The following ARSL variants were observed in gnomAD, a reference collection of about 807,000 sequenced individuals.
ARSL encodes arylsulfatase E (chondrodysplasia punctata 1).
ARSL carries 4 observed loss-of-function variants against 31.1 expected under a neutral mutation model. The observed-to-expected ratio is 0.13, with a 90% confidence interval of 0.06 to 0.29. The LOEUF (loss-of-function observed/expected upper bound fraction) is 0.29, where lower values mean the gene tolerates loss of function less well. Among genes scored for constraint, ARSL ranks in the 10% least tolerant of loss-of-function variants. The probability of loss-of-function intolerance (pLI) is 1.00; values close to 1 mark genes in which losing one functional copy is unlikely to be tolerated. For synonymous variants in ARSL, 198 were observed against 209.9 expected, an observed-to-expected ratio of 0.94 and a Z score of 0.49; for missense variants, 312 against 497.8, an observed-to-expected ratio of 0.63 and a Z score of 3.55.
intron 1 of ARSL, among the ~76,000 whole-genome samples, chrX:2,961,594 C>T (rs1333846652): frequency 9.0e-6 from 1 of 111,680 alleles, no homozygotes; most frequent in Non-Finnish European, 1.9e-5. Context: ...TTGAAATGGC[C>T]CTGCAAAGCT....
At chrX:2,959,875 G>T in intron 2 of ARSL, 1 of 351,152 alleles carries the variant, frequency 2.8e-6, no homozygotes, top group Non-Finnish European at 4.7e-6. Context: ...GAGCAACATG[G>T]TGAGACCCTG....
chrX:2,949,914 A>T (rs2089439471), intron 5 of ARSL, among the ~76,000 whole-genome samples, 187 bp from the exon 6 acceptor site: 1 of 112,164 alleles, frequency 8.9e-6, no homozygotes, highest in African/African-American at 3.2e-5. Context: ...GGGAATGAGG[A>T]CCCCATGTGT....
At chrX:2,941,501 C>T (rs1294586031) in intron 8 of ARSL, among the ~76,000 whole-genome samples, 10 of 111,508 alleles carry the variant, frequency 9.0e-5, no homozygotes, top group African/African-American at 2.9e-4. Flanking sequence ...GTGATCCACC[C>T]GCCTTGGCCT....
In ARSL at chrX:2,955,635, G is replaced by T. The variant is rs1427530388; in HGVS notation, c.186-98C>A. 9.2e-6 allele frequency: 9 copies of T among 981,915 alleles called. No homozygotes were observed. In the East Asian group the frequency reaches 9.7e-5, roughly 11 times the overall value. The allele number at this position is 981,915 out of a possible 1,213,427, so 80.9% of individuals were successfully genotyped here. A position where few individuals can be genotyped will look rare whatever the true frequency, so the allele number is the denominator to read the frequency against. ...CTTCATAGAAGGTCTGCTGGTCATC[G>T]CTGAGTGCTTCAAGATGTTCTCAGG... On this transcript the variant is annotated intron_variant, in intron 3 of 10. Transcript: ENST00000381134.
rs80338711 is a variant in ARSL at position 2,953,163 on chromosome X, C to G, written c.410G>C (p.Gly137Ala). 1.6e-4 allele frequency: 188 copies of G among 1,208,664 alleles called. No homozygotes were observed. The highest frequency in any genetic ancestry group is 2.3e-4 in the Middle Eastern group (1 of 4,369). ...TTFAKILKEK[G>A]YATGLIGKWH... is the part of the protein sequence containing the mutation. ...CATACCAATGAGTCCAGTGGCATAG[C>G]CTTTCTCTTTCAGTATTTTTGCAAA... is the stretch of plus-strand genomic sequence containing the variant. The change falls in exon 5 of 11, where the codon GGC becomes GCC. Residue 137 changes from glycine (G) to alanine (A), a missense_variant. Physicochemically the swap from Gly to Ala is moderately conservative, Grantham distance 60 (BLOSUM62 0). Coordinates refer to ENST00000381134, the MANE Select transcript of ARSL (RefSeq NM_000047.3).
upstream of ARSL, chrX:2,964,593 A>G: frequency 2.9e-6 from 1 of 347,878 alleles, no homozygotes; most frequent in Non-Finnish European, 3.7e-6. Flanking sequence ...CTGGGATTAC[A>G]GATGTGAGTC....
intron 10 of ARSL, among the ~76,000 whole-genome samples, chrX:2,936,327 T>A (rs749189400): frequency 9.6e-4 from 105 of 109,533 alleles, no homozygotes; most frequent in African/African-American, 3.4e-3. Flanking sequence ...TACAAAAAAA[T>A]AAGAAAAAAA....
At chrX:2,943,858 A>G (rs1355162717) in intron 7 of ARSL, among the ~76,000 whole-genome samples, 1 of 108,016 alleles carries the variant, frequency 9.3e-6, no homozygotes, top group African/African-American at 3.4e-5. Flanking sequence ...TCTTGCAGCC[A>G]CACACAAGGG....
chrX:2,941,108 G>A (rs1048030169), intron 8 of ARSL, among the ~76,000 whole-genome samples: 2 of 110,456 alleles, frequency 1.8e-5, no homozygotes, highest in African/African-American at 6.6e-5. Context: ...AGCGGGAGTC[G>A]AACATGCCTC....
upstream of ARSL, among the ~76,000 whole-genome samples, chrX:2,965,880 G>A (rs1025406443): frequency 1.8e-5 from 2 of 112,247 alleles, no homozygotes; most frequent in South Asian, 7.4e-4. Context: ...CAGCCTGGGC[G>A]GCAGAGTGAG....
chrX:2,944,237 C>CCT (rs1569102504), intron 7 of ARSL, among the ~76,000 whole-genome samples: 6 of 108,963 alleles, frequency 5.5e-5, no homozygotes, highest in African/African-American at 1.3e-4. Flanking sequence ...GGGCGGATCA[C>CCT]AAGGTCAGCA....
intron 6 of ARSL, among the ~76,000 whole-genome samples, chrX:2,947,131 C>T (rs1431072841): frequency 9.0e-6 from 1 of 110,511 alleles, no homozygotes; most frequent in Non-Finnish European, 1.9e-5. Flanking sequence ...TTGCGGTGAG[C>T]TGAGATTGCG....
intron 1 of ARSL, among the ~76,000 whole-genome samples, chrX:2,963,466 C>T (rs2089665710): frequency 9.3e-6 from 1 of 108,090 alleles, no homozygotes; most frequent in Non-Finnish European, 1.9e-5. Flanking sequence ...TCCTGCCCAG[C>T]AGTGGTTTAT....
chrX:2,935,412 C>A (rs548506389), intron 10 of ARSL, among the ~76,000 whole-genome samples: 1 of 112,181 alleles, frequency 8.9e-6, no homozygotes, highest in Admixed American at 9.5e-5. Flanking sequence ...CAAAATACTA[C>A]GCTCAGAGAA....
chrX:2,963,690 G>T (rs1166536498), intron 1 of ARSL, among the ~76,000 whole-genome samples: 2 of 106,317 alleles, frequency 1.9e-5, no homozygotes, highest in African/African-American at 6.9e-5. Context: ...ACAGGCACAT[G>T]CCACTATGCC....
intron 5 of ARSL, among the ~76,000 whole-genome samples, chrX:2,951,913 AT>A (rs1205816261): frequency 9.3e-6 from 1 of 107,950 alleles, no homozygotes; most frequent in Non-Finnish European, 1.9e-5. Flanking sequence ...AACAAAGAAC[AT>A]TTTATAATTT....
chrX:2,952,007 G>A (rs1323928106), intron 5 of ARSL, among the ~76,000 whole-genome samples: 2 of 109,859 alleles, frequency 1.8e-5, no homozygotes, highest in Non-Finnish European at 3.8e-5. Context: ...AAATGGAACT[G>A]TTGATAACAA....
chrX:2,939,456 C>A (rs768335996), intron 8 of ARSL, among the ~76,000 whole-genome samples: 6 of 112,031 alleles, frequency 5.4e-5, no homozygotes, highest in Non-Finnish European at 9.4e-5. Context: ...GCACAGAGAA[C>A]CAGATTGGGT....
At chrX:2,951,614 C>CAA (rs1164575386) in intron 5 of ARSL, among the ~76,000 whole-genome samples, 7 of 28,865 alleles carry the variant, frequency 2.4e-4, no homozygotes, top group Non-Finnish European at 5.6e-4. Context: ...CCCATCTCTA[C>CAA]AAAAAAAAAA....
Sources: gnomAD v4.1 joint callset for allele counts (sites outside exome capture counted in the v4.1 genomes callset) on GRCh38, gnomAD v4.1.1 for gene constraint, MANE v1.5 for transcripts, NCBI Gene and HGNC (gene_info 2026-07-23, HGNC 2026-07-21) for gene names.